The following ZNF69 variants were observed in gnomAD, a reference collection of about 807,000 sequenced individuals.
ZNF69 encodes the protein zinc finger protein 69.
Under a neutral mutation model 50.9 loss-of-function variants are expected in ZNF69, and 47 were observed. The ratio of observed to expected loss-of-function variants is 0.92; its 90% CI spans 0.73 to 1.18. ZNF69 has a LOEUF of 1.18. Among genes scored for constraint, ZNF69 ranks in the 50% most tolerant of loss-of-function variants. ZNF69 has a pLI of 0.00. For missense variants in ZNF69, 717 were observed against 675.1 expected (o/e 1.06, Z -0.69); for synonymous variants, 216 against 223.1 (o/e 0.97, Z 0.29).
At chr19:11,948,485 A>G in the ZNF69 span, 2 of 1,614,012 alleles carry the variant, frequency 1.2e-6, no homozygotes, top group Non-Finnish European at 1.7e-6. Flanking sequence ...CACAAGGCAT[A>G]TGAGTATCAG....
the ZNF69 span, among the ~76,000 whole-genome samples, chr19:11,968,390 C>G: frequency 6.6e-6 from 1 of 152,096 alleles, no homozygotes. Context: ...GTACAGTTGC[C>G]CACCAGCACA....
At chr19:11,940,041 C>T in the ZNF69 span, 1 of 151,596 alleles carries the variant, frequency 6.6e-6, no homozygotes, top group Non-Finnish European at 1.5e-5. Context: ...AAGCAATTCT[C>T]CTGTCTCAGC....
At chr19:11,912,982 G>C (rs1331027370) in intron 4 of ZNF69, among the ~76,000 whole-genome samples, 1 of 152,188 alleles carries the variant, frequency 6.6e-6, no homozygotes, top group Non-Finnish European at 1.5e-5. Flanking sequence ...CAGATCACGA[G>C]GCCAGGAGAT....
At chr19:11,976,419 G>A in the ZNF69 span, among the ~76,000 whole-genome samples, 40 of 151,928 alleles carry the variant, frequency 2.6e-4, 1 homozygote, top group Non-Finnish European at 4.3e-4. Context: ...AGCCGAGCAT[G>A]GTGGCACATG....
the ZNF69 span, among the ~76,000 whole-genome samples, chr19:11,943,235 C>T: frequency 1.3e-5 from 2 of 152,170 alleles, no homozygotes; most frequent in Admixed American, 6.5e-5. Context: ...TTTGTTATGT[C>T]CTTAACTATG....
the ZNF69 span, among the ~76,000 whole-genome samples, chr19:11,941,476 C>T: frequency 2.2e-4 from 34 of 152,328 alleles, no homozygotes; most frequent in Admixed American, 1.0e-3. Flanking sequence ...AGAAATCGAG[C>T]GCAGCACCGG....
At chr19:11,909,862 G>C (rs1972432306), downstream of ZNF69, among the ~76,000 whole-genome samples, 2 of 150,946 alleles carry the variant, frequency 1.3e-5, no homozygotes, top group South Asian at 4.2e-4. Flanking sequence ...ATTCAAGTAG[G>C]AAAAGAGGAA....
At chr19:11,974,077 CTTT>C in the ZNF69 span, among the ~76,000 whole-genome samples, 1 of 67,310 alleles carries the variant, frequency 1.5e-5, no homozygotes, top group Non-Finnish European at 3.1e-5. Context: ...TCTTTTCTTT[CTTT>C]CTTTCTTTCT....
At chr19:11,977,981 C>G in the ZNF69 span, 1 of 1,062,796 alleles carries the variant, frequency 9.4e-7, no homozygotes, top group Non-Finnish European at 1.4e-6. Context: ...AACATGTTGT[C>G]CATTTACCTT....
rs551420398 is a variant in ZNF69 at position 11,895,969 on chromosome 19, C to T, written c.64-7604C>T. Among the ~76,000 whole-genome samples, 17 of 152,224 alleles carry T rather than the reference C, an allele frequency of 1.1e-4. No individual in the cohort carries two copies. The East Asian group carries it at 2.3e-3, about 21-fold the overall frequency. ...GCATGGTGGCTGACGCCTGTAATCC[C>T]AGCACTTTGGGAGGCTGAGGCGGGC... On this transcript the variant is annotated intron_variant, in intron 1 of 3. Coordinates refer to ENST00000429654, the MANE Select transcript of ZNF69 (RefSeq NM_001364730.1).
chr19:11,928,186 A>G, the ZNF69 span, among the ~76,000 whole-genome samples: 1 of 152,000 alleles, frequency 6.6e-6, no homozygotes, highest in Non-Finnish European at 1.5e-5. Context: ...AGGTCTCGTT[A>G]TGTTGCCCAG....
At chr19:11,948,650 T>C in the ZNF69 span, 1 of 1,611,866 alleles carries the variant, frequency 6.2e-7, no homozygotes, top group South Asian at 1.1e-5. Context: ...CATTCAAGCA[T>C]TCGAAGACAC....
the ZNF69 span, among the ~76,000 whole-genome samples, chr19:11,969,465 T>A: frequency 6.6e-6 from 1 of 152,166 alleles, no homozygotes; most frequent in Non-Finnish European, 1.5e-5. Context: ...AATCAGCGGT[T>A]AATTGGTGGA....
chr19:11,963,088 A>AGAGAGAGAGAGAGTGTGTGT, the ZNF69 span, among the ~76,000 whole-genome samples: 4 of 138,248 alleles, frequency 2.9e-5, no homozygotes, highest in African/African-American at 1.2e-4. Context: ...AGAGAGAGAG[A>AGAGAGAGAGAGAGTGTGTGT]GTGTGTGTGT....
downstream of ZNF69, among the ~76,000 whole-genome samples, chr19:11,916,575 A>G (rs1364611766): frequency 6.6e-6 from 1 of 152,230 alleles, no homozygotes; most frequent in East Asian, 1.9e-4. Flanking sequence ...AGATCATGCT[A>G]CTGCACTCCA....
At chr19:11,938,269 T>C in the ZNF69 span, among the ~76,000 whole-genome samples, 1 of 152,088 alleles carries the variant, frequency 6.6e-6, no homozygotes, top group Admixed American at 6.5e-5. Context: ...AGTTCTAGGG[T>C]ACATGTGCAC....
At chr19:11,955,981 A>G in the ZNF69 span, among the ~76,000 whole-genome samples, 8 of 152,320 alleles carry the variant, frequency 5.3e-5, no homozygotes, top group East Asian at 1.4e-3. Context: ...ATGTGAACAC[A>G]AAGTTTGAGG....
chr19:11,946,872 T>C, the ZNF69 span: 6 of 306,866 alleles, frequency 2.0e-5, no homozygotes, highest in Admixed American at 9.9e-5. Flanking sequence ...TGGTGGTACA[T>C]GCCTATAATC....
chr19:11,952,037 TG>T, the ZNF69 span, among the ~76,000 whole-genome samples: 1 of 152,010 alleles, frequency 6.6e-6, no homozygotes, highest in Admixed American at 6.6e-5. Context: ...TAGCCAGGTG[TG>T]GTTGCATGCT....
Sources: allele counts gnomAD v4.1 joint callset (sites outside exome capture counted in the v4.1 genomes callset), GRCh38; gene constraint gnomAD v4.1.1; transcripts MANE v1.5; gene names NCBI Gene and HGNC (gene_info 2026-07-23, HGNC 2026-07-21).